Variants in E2F1 observed in about 807,000 individuals in gnomAD.
E2F1 encodes transcription factor E2F1.
In E2F1, 7 loss-of-function variants were observed where a neutral mutation model predicts 36.9. That is an observed-to-expected ratio of 0.19 (90% confidence interval 0.11 to 0.36). The LOEUF is 0.36. Ranked by LOEUF, E2F1 falls within the 10% of genes least tolerant of loss-of-function variation. The probability of loss-of-function intolerance (pLI) is 1.00; values close to 1 mark genes in which losing one functional copy is unlikely to be tolerated. For synonymous variants in E2F1, 261 were observed against 263.1 expected (o/e 0.99, Z 0.08); for missense variants, 406 against 573.6 (o/e 0.71, Z 2.99).
At chr20:33,678,076 G>T in intron 4 of E2F1, 125 bp downstream of exon 4, 2 of 1,128,440 alleles carry the variant, frequency 1.8e-6, no homozygotes, top group Non-Finnish European at 2.5e-6. Flanking sequence ...GTGAGAAAAT[G>T]CTGAGCCAGG....
chr20:33,676,875 A>C lies in E2F1; in HGVS notation c.1171T>G (p.Phe391Val). Residue 391 changes from phenylalanine (F) to valine (V), a missense_variant, in exon 7 of 7, where the codon TTC becomes GTC. Around this residue, in one of 5 missense-constraint regions of E2F1, gnomAD observed 163 missense variants for 181.5 expected, o/e 0.90. Coordinates refer to ENST00000343380, the MANE Select transcript of E2F1 (RefSeq NM_005225.3). ...DSLLEHVRED[F>V]SGLLPEEFIS... is the part of the protein sequence containing the mutation. ...AACTCCTCAGGGAGGAGGCCGGAGAAGTCCTCCCGCACATGCTCCAGGAGC... is the reference window on the plus strand; with the variant it reads ...AACTCCTCAGGGAGGAGGCCGGAGACGTCCTCCCGCACATGCTCCAGGAGC... The C allele has an allele frequency of 6.3e-7, 1 of 1,580,144 alleles. No individual in the cohort carries two copies. The highest frequency in any genetic ancestry group is 8.6e-7 in the Non-Finnish European group (1 of 1,161,948).
intron 2 of E2F1, 42 bp downstream of exon 2, chr20:33,680,284 C>T (rs755480374): frequency 5.1e-6 from 8 of 1,583,016 alleles, no homozygotes; most frequent in Admixed American, 1.7e-5. Context: ...CTAACCTGGG[C>T]CTGGTCACAG....
intron 1 of E2F1, among the ~76,000 whole-genome samples, chr20:33,682,817 CG>C (rs896876322): frequency 9.9e-5 from 15 of 152,252 alleles, no homozygotes; most frequent in African/African-American, 3.6e-4. Context: ...TGTCAAGGAC[CG>C]AGGCAGGTTG....
In E2F1 at chr20:33,677,156, G is replaced by A. The variant is rs752029737; in HGVS notation, c.1015C>T (p.Pro339Ser). 2 of 1,614,160 alleles carry A rather than the reference G, an allele frequency of 1.2e-6. No individual in the cohort carries two copies. The highest frequency in any genetic ancestry group is 1.7e-6 in the Non-Finnish European group (2 of 1,180,008). ...CTGGGATCTGTGGTGAGGGATGAGG[G>A]GGGAGATGATGGTGGTGGTGACACT... The part of the protein sequence containing the change: ...TIVSPPPSSP[P>S]SSLTTDPSQS... The change falls in exon 6 of 7, where the codon CCC becomes TCC. Residue 339 changes from proline to serine, a missense_variant. By Grantham distance (74) the Pro-to-Ser change is moderately conservative (BLOSUM62 -1). Transcript: ENST00000343380.
chr20:33,685,896 C>T (rs1001726041), intron 1 of E2F1, 108 bp downstream of exon 1: 5 of 1,003,706 alleles, frequency 5.0e-6, no homozygotes, highest in Non-Finnish European at 6.0e-6. Flanking sequence ...GCGCCTCAGT[C>T]AACCCCTCCC....
chr20:33,680,096 T>TC, intron 2 of E2F1, 122 bp from the exon 3 acceptor site: 1 of 980,494 alleles, frequency 1.0e-6, no homozygotes, highest in Non-Finnish European at 1.6e-6. Flanking sequence ...GCCAGCTCCT[T>TC]CCCCTTGGCG....
intron 2 of E2F1, 103 bp from the exon 3 acceptor site, chr20:33,680,077 TGGGG>T: frequency 9.3e-7 from 1 of 1,076,886 alleles, no homozygotes; most frequent in Non-Finnish European, 1.4e-6. Flanking sequence ...TGATGGGGGC[TGGGG>T]GACAGCCAGC....
intron 1 of E2F1, among the ~76,000 whole-genome samples, chr20:33,681,403 C>T (rs764704603): frequency 2.0e-5 from 3 of 152,188 alleles, no homozygotes; most frequent in African/African-American, 4.8e-5. Context: ...CTAATCTATA[C>T]GCATGGTAGC....
intron 4 of E2F1, among the ~76,000 whole-genome samples, chr20:33,677,821 G>T (rs889300826): frequency 2.0e-5 from 3 of 152,144 alleles, no homozygotes; most frequent in African/African-American, 7.2e-5. Context: ...TAGAGGCAGG[G>T]TCTCGCTATG....
intron 1 of E2F1, among the ~76,000 whole-genome samples, chr20:33,683,238 G>A (rs1220644170): frequency 6.6e-6 from 1 of 152,030 alleles, no homozygotes; most frequent in Non-Finnish European, 1.5e-5. Context: ...ATCACTTGAG[G>A]TCAGGAGTTC....
rs2018066227 is a variant in E2F1 at position 33,686,078 on chromosome 20, G to A, written c.187C>T (p.Leu63=). The A allele has an allele frequency of 2.7e-6, 3 of 1,110,898 alleles. No individual in the cohort carries two copies. Among genetic ancestry groups the A allele is most frequent in the East Asian group, 5.2e-5 (1 of 19,314 alleles). 68.8% of individuals were successfully genotyped at this position (1,110,898 alleles called of 1,614,324 possible). ...GCCTGCGGTGTGGCGAAGAGCAGCAGGTCAGGGTCGCAGGGGCCGGCGGCG... is the reference window on the plus strand; with the variant it reads ...GCCTGCGGTGTGGCGAAGAGCAGCAAGTCAGGGTCGCAGGGGCCGGCGGCG... ...APAAGPCDPD[L]LLFATPQAPR... is the part of the protein sequence containing the mutation. Residue 63 remains leucine, a synonymous_variant, in exon 1 of 7, where the codon CTG becomes TTG. Transcript: ENST00000343380.
At chr20:33,683,450 CAAAAAAAAAA>C (rs60838396) in intron 1 of E2F1, among the ~76,000 whole-genome samples, 4 of 54,760 alleles carry the variant, frequency 7.3e-5, no homozygotes, top group East Asian at 4.5e-4. Context: ...GACTTCATCT[CAAAAAAAAAA>C]AAAAAAAAAA....
At chr20:33,680,297 G>A (rs2122546705) in intron 2 of E2F1, 29 bp downstream of exon 2, 2 of 1,604,164 alleles carry the variant, frequency 1.2e-6, no homozygotes, top group African/African-American at 1.3e-5. Context: ...GGTCACAGGG[G>A]GTCTGCCCAG....
intron 1 of E2F1, among the ~76,000 whole-genome samples, chr20:33,684,355 G>A (rs1319889616): frequency 6.6e-6 from 1 of 152,146 alleles, no homozygotes; most frequent in Non-Finnish European, 1.5e-5. Flanking sequence ...ACAGGAACAG[G>A]CCCCTGGAGT....
At position 33,680,410 on chromosome 20, in the gene E2F1, G is replaced by A. The variant is rs2018006865; in HGVS notation, c.268C>T (p.Arg90Trp). 1.2e-6 allele frequency: 2 copies of A among 1,613,640 alleles called. No homozygotes were observed. Among genetic ancestry groups the A allele is most frequent in the Non-Finnish European group, 1.7e-6 (2 of 1,179,818 alleles). Residue 90 changes from arginine to tryptophan, a missense_variant, in exon 2 of 7, where the codon CGG becomes TGG. Physicochemically the swap from Arg to Trp is moderately radical, Grantham distance 101. Transcript: ENST00000343380. ...TGGTCAGTTTCCAGGTCCAGCCTCC[G>A]CTTCACCTGTGGCGAAAACGGGAGG... ...RPALGRPPVK[R>W]RLDLETDHQY...
rs1322122446 is a variant in E2F1 at position 33,676,863 on chromosome 20, G to A, written c.1183C>T (p.Leu395Phe). 1.9e-6 allele frequency: 3 copies of A among 1,586,178 alleles called. No individual in the cohort carries two copies. The highest frequency in any genetic ancestry group is 8.6e-7 in the Non-Finnish European group (1 of 1,165,252). The change falls in exon 7 of 7, where the codon CTC becomes TTC. Residue 395 changes from leucine to phenylalanine, a missense_variant. By Grantham distance (22) the Leu-to-Phe change is conservative (BLOSUM62 0). This residue lies in a region of E2F1 where 163 missense variants were observed against 181.5 expected (regional missense o/e 0.90). Transcript: ENST00000343380. The stretch of plus-strand genomic sequence containing the variant: ...GAAAGGCTGATGAACTCCTCAGGGA[G>A]GAGGCCGGAGAAGTCCTCCCGCACA... ...EHVREDFSGL[L>F]PEEFISLSPP...
At chr20:33,683,857 G>A (rs1485620418) in intron 1 of E2F1, among the ~76,000 whole-genome samples, 1 of 152,238 alleles carries the variant, frequency 6.6e-6, no homozygotes. Flanking sequence ...GTTTGTGGAA[G>A]TGGACAGGCA....
intron 4 of E2F1, among the ~76,000 whole-genome samples, 182 bp from the exon 5 acceptor site, chr20:33,677,722 T>C (rs752324777): frequency 6.6e-6 from 1 of 152,286 alleles, no homozygotes; most frequent in African/African-American, 2.4e-5. Flanking sequence ...ACTCTACCCA[T>C]TGAATCCCAA....
chr20:33,680,371 C>T lies in E2F1; in HGVS notation c.307G>A (p.Glu103Lys), dbSNP rs747305116. 21 of 1,614,090 alleles carry T rather than the reference C, an allele frequency of 1.3e-5. No individual in the cohort carries two copies. The highest frequency in any genetic ancestry group is 1.6e-4 in the Middle Eastern group (1 of 6,082). The change falls in exon 2 of 7, where the codon GAG becomes AAG. Residue 103 changes from glutamate to lysine, a missense_variant. Physicochemically the swap from Glu to Lys is moderately conservative, Grantham distance 56. Transcript: ENST00000343380. ...CTGCCCCGAGCTGGCCCACTGCTCTCGGCCAGGTACTGATGGTCAGTTTCC... is the reference window on the plus strand; with the variant it reads ...CTGCCCCGAGCTGGCCCACTGCTCTTGGCCAGGTACTGATGGTCAGTTTCC... ...DLETDHQYLA[E>K]SSGPARGRGR...
Sources: gnomAD v4.1 joint callset for allele counts (sites outside exome capture counted in the v4.1 genomes callset) on GRCh38, gnomAD v4.1.1 for gene constraint, gnomAD v4.1.1 regional missense constraint, MANE v1.5 for transcripts, NCBI Gene and HGNC (gene_info 2026-07-23, HGNC 2026-07-21) for gene names.